PRAMEF12: variants seen among roughly 807,000 people sequenced by gnomAD.
The protein encoded by PRAMEF12 is PRAME family member 12.
PRAMEF12 carries 24 observed loss-of-function variants against 24.6 expected under a neutral mutation model. The ratio of observed to expected loss-of-function variants is 0.98; its 90% confidence interval spans 0.71 to 1.37. PRAMEF12 has a LOEUF of 1.37. Ranked by LOEUF, PRAMEF12 falls within the 40% of genes most tolerant of loss-of-function variation. PRAMEF12 has a pLI of 0.00. For synonymous variants in PRAMEF12, 286 were observed against 242.6 expected (o/e 1.18, Z -1.66); for missense variants, 646 against 580.3 (o/e 1.11, Z -1.16).
intron 2 of PRAMEF12, among the ~76,000 whole-genome samples, chr1:12,776,407 C>T (rs528600886): frequency 9.2e-5 from 14 of 152,026 alleles, no homozygotes; most frequent in Non-Finnish European, 2.1e-4. Context: ...GAATTCCTCC[C>T]GAGGATGTGT....
At chr1:12,776,244 G>A (rs1639050293) in intron 2 of PRAMEF12, 126 bp downstream of exon 2, 2 of 983,778 alleles carry the variant, frequency 2.0e-6, no homozygotes, top group Non-Finnish European at 3.1e-6. Flanking sequence ...ACACTAGAAT[G>A]TCCATGCATT....
chr1:12,776,004 G>A lies in PRAMEF12; in HGVS notation c.749G>A (p.Arg250Lys). ...IHVSACIPLD[R>K]KEQFVIQFTS... ...GTCTCTGCCTGCATTCCCCTAGACA[G>A]GAAGGAGCAGTTTGTCATCCAGTTC... The change falls in exon 2 of 3, where the codon AGG becomes AAG. Residue 250 changes from arginine to lysine, a missense_variant. Arg to Lys is a conservative substitution (Grantham distance 26, BLOSUM62 2). Transcript: ENST00000357726. The A allele has an allele frequency of 6.2e-7, 1 of 1,614,136 alleles. No individual in the cohort carries two copies. Among genetic ancestry groups the A allele is most frequent in the South Asian group, 1.1e-5 (1 of 91,082 alleles).
chr1:12,777,094 C>T lies in PRAMEF12; in HGVS notation c.947C>T (p.Pro316Leu), dbSNP rs757939934. The change falls in exon 3 of 3, where the codon CCG becomes CTG. Residue 316 changes from proline (P) to leucine (L), a missense_variant. By Grantham distance (98) the Pro-to-Leu change is moderately conservative. Coordinates refer to ENST00000357726, the MANE Select transcript of PRAMEF12 (RefSeq NM_001080830.5). ...ESDLKHLSWC[P>L]SIRQLKELDL... ...GACCTGAAGCATCTCTCTTGGTGCC[C>T]GAGCATCCGTCAGCTAAAAGAGCTA... is the stretch of plus-strand genomic sequence containing the variant. The T allele has an allele frequency of 4.6e-5, 75 of 1,613,704 alleles. No homozygotes were observed. The highest frequency in any genetic ancestry group is 2.2e-4 in the East Asian group (10 of 44,850).
chr1:12,775,180 G>C, intron 1 of PRAMEF12, 26 bp downstream of exon 1: 1 of 1,589,932 alleles, frequency 6.3e-7, no homozygotes, highest in Non-Finnish European at 8.6e-7. Flanking sequence ...TAACCAGGTG[G>C]GGAGGGCTCA....
chr1:12,774,938 C>T lies in PRAMEF12; in HGVS notation c.71C>T (p.Ala24Val). The T allele has an allele frequency of 6.2e-7, 1 of 1,614,044 alleles. No individual in the cohort carries two copies. The highest frequency in any genetic ancestry group is 8.5e-7 in the Non-Finnish European group (1 of 1,179,982). The change falls in exon 1 of 3, where the codon GCC becomes GTC. Residue 24 changes from alanine to valine, a missense_variant. Physicochemically the swap from Ala to Val is moderately conservative, Grantham distance 64. Coordinates refer to ENST00000357726, the MANE Select transcript of PRAMEF12 (RefSeq NM_001080830.5). ...EQSLLRDRALAIPTLEELPRE... is the reference protein window; with the variant it reads ...EQSLLRDRALVIPTLEELPRE... ...AGTCTGCTGAGAGACCGGGCCTTGG[C>T]CATCCCCACCCTGGAGGAGCTGCCC...
At position 12,777,209 on chromosome 1, in the gene PRAMEF12, C is replaced by A; in HGVS notation, c.1062C>A (p.Asp354Glu). 6.2e-7 allele frequency: 1 copy of A among 1,612,974 alleles called. No homozygotes were observed. Among genetic ancestry groups the A allele is most frequent in the Admixed American group, 1.7e-5 (1 of 60,018 alleles). Residue 354 changes from aspartate to glutamate, a missense_variant, in exon 3 of 3, where the codon GAC becomes GAA. Coordinates refer to ENST00000357726, the MANE Select transcript of PRAMEF12 (RefSeq NM_001080830.5). ...CTGAGGCCACCCTGCAGACCCTGGA[C>A]TTAGAGGACTGTGGGATCGTGGATT... ...EQAEATLQTLDLEDCGIVDSQ... is the reference protein window; with the variant it reads ...EQAEATLQTLELEDCGIVDSQ...
chr1:12,776,107 C>T lies in PRAMEF12; in HGVS notation c.852C>T (p.Asp284=), dbSNP rs140879180. ...HSVSFLEGHL[D]QLLRCLQAPL... is the part of the protein sequence containing the mutation. ...TCTCTTTCCTCGAAGGCCACCTGGA[C>T]CAGCTGCTCAGGTGAGGAAGTATGG... The change falls in exon 2 of 3, where the codon GAC becomes GAT. Residue 284 remains aspartate (D), a synonymous_variant. Coordinates refer to ENST00000357726, the MANE Select transcript of PRAMEF12 (RefSeq NM_001080830.5). 9.3e-3 allele frequency: 14,984 copies of T among 1,613,956 alleles called. 93 individuals carry two copies. The highest frequency in any genetic ancestry group is 0.011 in the Non-Finnish European group (13,129 of 1,179,816).
At position 12,775,662 on chromosome 1, in the gene PRAMEF12, G is replaced by A. The variant is rs200260712; in HGVS notation, c.407G>A (p.Cys136Tyr). Residue 136 changes from cysteine (C) to tyrosine (Y), a missense_variant, in exon 2 of 3, where the codon TGT becomes TAT. Cys to Tyr is a radical substitution (Grantham distance 194, BLOSUM62 -2). Coordinates refer to ENST00000357726, the MANE Select transcript of PRAMEF12 (RefSeq NM_001080830.5). ...AGTAAGAGACGAACAGCAGGGAACT[G>A]TCCAAGGCCGGGTGGGCAGCAGCCC... The part of the protein sequence containing the change: ...ALSKRRTAGN[C>Y]PRPGGQQPLM... 1.8e-5 allele frequency: 29 copies of A among 1,613,898 alleles called. No individual in the cohort carries two copies. In the South Asian group the frequency reaches 3.1e-4, roughly 17 times the overall value.
chr1:12,777,829 G>T lies in PRAMEF12; in HGVS notation c.*230G>T. 1.7e-6 allele frequency: 1 copy of T among 588,720 alleles called. No individual in the cohort carries two copies. The allele number at this position is 588,720 out of a possible 1,614,324, so 36.5% of individuals were successfully genotyped here. ...AATTGCTAGAATGAGAATCAGGTAG[G>T]AGAGACACATGAGACAGTTACCCCT... On this transcript the variant is annotated 3_prime_UTR_variant, in exon 3 of 3. Coordinates refer to ENST00000357726, the MANE Select transcript of PRAMEF12 (RefSeq NM_001080830.5).
At position 12,775,043 on chromosome 1, in the gene PRAMEF12, G is replaced by C. The variant is rs200879331; in HGVS notation, c.176G>C (p.Trp59Ser). 438 of 1,614,028 alleles carry C rather than the reference G, an allele frequency of 2.7e-4. No individual in the cohort carries two copies. Among genetic ancestry groups the C allele is most frequent in the Non-Finnish European group, 3.3e-4 (395 of 1,180,022 alleles). ...ACCCTGACAACTATGGTGCAGGCCT[G>C]GCCCTTCACCTGCCTTCCTCTAGGG... ...CETLTTMVQAWPFTCLPLGSL... is the reference protein window; with the variant it reads ...CETLTTMVQASPFTCLPLGSL... The change falls in exon 1 of 3, where the codon TGG becomes TCG. Residue 59 changes from tryptophan (W) to serine (S), a missense_variant. Physicochemically the swap from Trp to Ser is radical, Grantham distance 177. Transcript: ENST00000357726.
rs374423507 is a variant in PRAMEF12, at chr1:12,775,876, G to C, written c.621G>C (p.Glu207Asp). 7 of 1,613,964 alleles carry C rather than the reference G, an allele frequency of 4.3e-6. No individual in the cohort carries two copies. Among genetic ancestry groups the C allele is most frequent in the African/African-American group, 2.7e-5 (2 of 74,872 alleles). The change falls in exon 2 of 3, where the codon GAG becomes GAC. Residue 207 changes from glutamate (E) to aspartate (D), a missense_variant. Coordinates refer to ENST00000357726, the MANE Select transcript of PRAMEF12 (RefSeq NM_001080830.5). ...LNTVELDCIQEVEVCCPWELS... is the reference protein window; with the variant it reads ...LNTVELDCIQDVEVCCPWELS... ...CGGTGGAGCTAGACTGTATCCAGGA[G>C]GTGGAAGTGTGCTGCCCGTGGGAGC...
In PRAMEF12 at chr1:12,777,608, T is replaced by G. The variant is rs375704170; in HGVS notation, c.*9T>G. 34 of 1,613,844 alleles carry G rather than the reference T, an allele frequency of 2.1e-5. No homozygotes were observed. The highest frequency in any genetic ancestry group is 2.7e-5 in the African/African-American group (2 of 74,904). On this transcript the variant is annotated 3_prime_UTR_variant, in exon 3 of 3. Transcript: ENST00000357726. ...AGGGTGGATTTATTTAAAGCTTTCT[T>G]CTGGTCATTTGGCAACTGAATCCTA...
Position 12,777,477 on chromosome 1 carries a change from A to C in PRAMEF12, c.1330A>C (p.Arg444=). The stretch of plus-strand genomic sequence containing the variant: ...GCTGATGAAGACACTGAGGGACTTA[A>C]GGCAGCCCAAGATAATTGTGTTCAG... ...AELMKTLRDL[R]QPKIIVFSTV... is the part of the protein sequence containing the mutation. The change falls in exon 3 of 3, where the codon AGG becomes CGG. Residue 444 remains arginine (R), a synonymous_variant. Transcript: ENST00000357726. The C allele has an allele frequency of 6.2e-7, 1 of 1,614,104 alleles. No individual in the cohort carries two copies. Among genetic ancestry groups the C allele is most frequent in the Non-Finnish European group, 8.5e-7 (1 of 1,180,020 alleles).
At position 12,777,728 on chromosome 1, in the gene PRAMEF12, A is replaced by G; in HGVS notation, c.*129A>G. Reference sequence around the variant, plus strand: ...GGAAAGGGGATGCAGGAAGGGAGGGACTGGGGGAAAAGTTGAGTTGGAGTC... The same window carrying G: ...GGAAAGGGGATGCAGGAAGGGAGGGGCTGGGGGAAAAGTTGAGTTGGAGTC... On this transcript the variant is annotated 3_prime_UTR_variant, in exon 3 of 3. Coordinates refer to ENST00000357726, the MANE Select transcript of PRAMEF12 (RefSeq NM_001080830.5). 8.8e-7 allele frequency: 1 copy of G among 1,139,448 alleles called. No individual in the cohort carries two copies. The highest frequency in any genetic ancestry group is 1.2e-6 in the Non-Finnish European group (1 of 809,622). The allele number at this position is 1,139,448 out of a possible 1,614,324, so 70.6% of individuals were successfully genotyped here. A position where few individuals can be genotyped will look rare whatever the true frequency, so the allele number is the denominator to read the frequency against.
Position 12,773,998 on chromosome 1 carries a change from G to A in PRAMEF12, c.-870G>A, listed in dbSNP as rs1400849340. Among the ~76,000 whole-genome samples the A allele has an allele frequency of 6.6e-6, 1 of 151,942 alleles. No individual in the cohort carries two copies. On this transcript the variant is annotated 5_prime_UTR_variant, in exon 1 of 3. It adds an upstream start codon to the 5' untranslated region. Coordinates refer to ENST00000357726, the MANE Select transcript of PRAMEF12 (RefSeq NM_001080830.5). The stretch of plus-strand genomic sequence containing the variant: ...GTCTTCATCCCCCAAAATTGGATTT[G>A]TGCTTGGTTTTTGTCATTTCAAAAT...
At position 12,774,600 on chromosome 1, in the gene PRAMEF12, G is replaced by A. The variant is rs528951433; in HGVS notation, c.-268G>A. On this transcript the variant is annotated 5_prime_UTR_variant, in exon 1 of 3. Coordinates refer to ENST00000357726, the MANE Select transcript of PRAMEF12 (RefSeq NM_001080830.5). ...CTTAGCTTTCAGGATCCTCAGCAACGCTTCCCAGTGTTACTGAGATTTAGT... is the reference window on the plus strand; with the variant it reads ...CTTAGCTTTCAGGATCCTCAGCAACACTTCCCAGTGTTACTGAGATTTAGT... 5.9e-5 allele frequency among the ~76,000 whole-genome samples: 9 copies of A among 152,226 alleles called. No homozygotes were observed. In the East Asian group the frequency reaches 1.2e-3, roughly 20 times the overall value.
Position 12,777,373 on chromosome 1 carries a change from A to G in PRAMEF12, c.1226A>G (p.Glu409Gly). ...HTVGLSKLSL[E>G]LYPAPLESYD... is the part of the protein sequence containing the mutation. ...GTCGGGCTGAGCAAGCTAAGCCTGG[A>G]GCTGTATCCTGCCCCTCTGGAGAGT... Residue 409 changes from glutamate to glycine, a missense_variant, in exon 3 of 3, where the codon GAG becomes GGG. Physicochemically the swap from Glu to Gly is moderately conservative, Grantham distance 98. Transcript: ENST00000357726. 1.2e-6 allele frequency: 2 copies of G among 1,613,708 alleles called. No homozygotes were observed. Among genetic ancestry groups the G allele is most frequent in the Non-Finnish European group, 1.7e-6 (2 of 1,179,842 alleles).
rs1389637189 is a variant in PRAMEF12, at chr1:12,777,551, G to A, written c.1404G>A (p.Glu468=). Residue 468 remains glutamate (E), a synonymous_variant, in exon 3 of 3, where the codon GAG becomes GAA. Coordinates refer to ENST00000357726, the MANE Select transcript of PRAMEF12 (RefSeq NM_001080830.5). ...RCGIRASYDL[E]PSHCLLNACC... ...GCATCAGGGCCTCCTATGACCTGGA[G>A]CCCAGTCACTGTCTGTTGAATGCCT... The A allele has an allele frequency of 6.2e-7, 1 of 1,614,134 alleles. No individual in the cohort carries two copies. Among genetic ancestry groups the A allele is most frequent in the Non-Finnish European group, 8.5e-7 (1 of 1,180,020 alleles).
At position 12,777,147 on chromosome 1, in the gene PRAMEF12, T is replaced by G; in HGVS notation, c.1000T>G (p.Phe334Val). 1 of 1,613,906 alleles carries G rather than the reference T, an allele frequency of 6.2e-7. No individual in the cohort carries two copies. Among genetic ancestry groups the G allele is most frequent in the Non-Finnish European group, 8.5e-7 (1 of 1,180,006 alleles). Residue 334 changes from phenylalanine to valine, a missense_variant, in exon 3 of 3, where the codon TTC becomes GTC. Coordinates refer to ENST00000357726, the MANE Select transcript of PRAMEF12 (RefSeq NM_001080830.5). Reference sequence around the variant, plus strand: ...CCTGAGGGGCATCACACTGACCCATTTCAGTCCTGAGCCCCTCTCAGTTCT... The same window carrying G: ...CCTGAGGGGCATCACACTGACCCATGTCAGTCCTGAGCCCCTCTCAGTTCT... ...LDLRGITLTH[F>V]SPEPLSVLLE... is the part of the protein sequence containing the mutation.
Sources: allele counts gnomAD v4.1 joint callset (sites outside exome capture counted in the v4.1 genomes callset), GRCh38; gene constraint gnomAD v4.1.1; transcripts MANE v1.5; gene names NCBI Gene and HGNC (gene_info 2026-07-23, HGNC 2026-07-21).